LHFPL4: variants seen among roughly 807,000 people sequenced by gnomAD.
LHFPL4 encodes the protein LHFPL tetraspan subfamily member 4 protein.
A neutral mutation model predicts 20.0 loss-of-function variants in LHFPL4; 6 were observed. That is an observed-to-expected ratio of 0.30 (90% confidence interval 0.16 to 0.59). LHFPL4 has a LOEUF of 0.59. Ranked by LOEUF, LHFPL4 falls within the 20% of genes least tolerant of loss-of-function variation. The pLI, the probability that LHFPL4 is intolerant of heterozygous loss-of-function variation, is 0.88. For synonymous variants in LHFPL4, 129 were observed against 143.8 expected (o/e 0.90, Z 0.74); for missense variants, 215 against 331.2 (o/e 0.65, Z 2.72).
At chr3:9,532,633 C>A (rs965878853) in intron 2 of LHFPL4, among the ~76,000 whole-genome samples, 2 of 152,214 alleles carry the variant, frequency 1.3e-5, no homozygotes, top group Non-Finnish European at 2.9e-5. Flanking sequence ...CCGCGCCTGG[C>A]CTATGCTTAT....
At chr3:9,507,169 C>T (rs2125655577) in intron 2 of LHFPL4, among the ~76,000 whole-genome samples, 1 of 152,326 alleles carries the variant, frequency 6.6e-6, no homozygotes, top group African/African-American at 2.4e-5. Context: ...GTGCAAAACA[C>T]TTAGCACGGT....
At chr3:9,544,625 AAAAC>A (rs560511934) in intron 2 of LHFPL4, among the ~76,000 whole-genome samples, 78 of 152,248 alleles carry the variant, frequency 5.1e-4, no homozygotes, top group Non-Finnish European at 1.0e-3. Flanking sequence ...ACTCTATCTC[AAAAC>A]AAACAAACAA....
At chr3:9,542,637 T>A (rs2125666628) in intron 2 of LHFPL4, among the ~76,000 whole-genome samples, 1 of 151,768 alleles carries the variant, frequency 6.6e-6, no homozygotes, top group Non-Finnish European at 1.5e-5. Flanking sequence ...AGAGACCTCG[T>A]TTCTACCAAA....
At chr3:9,547,787 C>CTTTGTTTTGT (rs368545231) in intron 2 of LHFPL4, among the ~76,000 whole-genome samples, 34,863 of 146,562 alleles carry the variant, frequency 0.24, 4,287 homozygotes, top group Middle Eastern at 0.33. Flanking sequence ...GATTTTTGTT[C>CTTTGTTTTGT]TTTGTTTTGT....
At chr3:9,519,134 T>C (rs182473013) in intron 2 of LHFPL4, among the ~76,000 whole-genome samples, 112 of 139,962 alleles carry the variant, frequency 8.0e-4, no homozygotes, top group African/African-American at 2.6e-3. Context: ...AGATGGGGCT[T>C]CTCCATGTTG....
Position 9,531,092 on chromosome 3 carries a change from T to C in LHFPL4, c.406+21182A>G, listed in dbSNP as rs1054792495. 2.2e-4 allele frequency among the ~76,000 whole-genome samples: 34 copies of C among 152,188 alleles called. 1 individual carries two copies. Among genetic ancestry groups the C allele is most frequent in the African/African-American group, 8.0e-4 (33 of 41,464 alleles). On this transcript the variant is annotated intron_variant, in intron 2 of 3. Transcript: ENST00000287585. The stretch of plus-strand genomic sequence containing the variant: ...AGCAATCAAAATACGCACATTTATT[T>C]ATGAAGCTTGCTGTCTTACATGGGC...
At chr3:9,508,596 C>G (rs775366024) in intron 2 of LHFPL4, among the ~76,000 whole-genome samples, 48 of 152,194 alleles carry the variant, frequency 3.2e-4, no homozygotes, top group Non-Finnish European at 5.3e-4. Flanking sequence ...ATGGTGGAAA[C>G]TGAAGAGAAG....
chr3:9,514,464 G>T (rs1363715069), intron 2 of LHFPL4, among the ~76,000 whole-genome samples: 1 of 152,106 alleles, frequency 6.6e-6, no homozygotes, highest in Non-Finnish European at 1.5e-5. Context: ...TCCCCCACCA[G>T]GGTGGCATAT....
intron 2 of LHFPL4, among the ~76,000 whole-genome samples, chr3:9,516,508 C>A (rs564770322): frequency 2.8e-4 from 42 of 151,834 alleles, no homozygotes; most frequent in African/African-American, 9.7e-4. Flanking sequence ...GAGTCTCACT[C>A]TGTTGCCCAG....
At chr3:9,541,392 A>G (rs981919138) in intron 2 of LHFPL4, among the ~76,000 whole-genome samples, 3 of 152,244 alleles carry the variant, frequency 2.0e-5, no homozygotes, top group Admixed American at 1.3e-4. Flanking sequence ...GAAAAAGAAC[A>G]ACCTTGGTGC....
At chr3:9,502,513 T>G (rs958306872) in intron 3 of LHFPL4, among the ~76,000 whole-genome samples, 4 of 151,804 alleles carry the variant, frequency 2.6e-5, no homozygotes, top group Non-Finnish European at 4.4e-5. Flanking sequence ...ACCAGCCTGA[T>G]CAACATGGCA....
intron 2 of LHFPL4, among the ~76,000 whole-genome samples, chr3:9,549,030 G>A (rs1260470497): frequency 6.6e-6 from 1 of 152,136 alleles, no homozygotes; most frequent in Non-Finnish European, 1.5e-5. Context: ...TGAACATCTG[G>A]ATCTGTCCAT....
At chr3:9,517,288 C>A (rs1434303406) in intron 2 of LHFPL4, among the ~76,000 whole-genome samples, 1 of 152,200 alleles carries the variant, frequency 6.6e-6, no homozygotes, top group East Asian at 1.9e-4. Context: ...ATCTAAAGAT[C>A]ATGTTGGCAA....
chr3:9,510,882 G>A (rs1439306203), intron 2 of LHFPL4, among the ~76,000 whole-genome samples: 1 of 151,714 alleles, frequency 6.6e-6, no homozygotes, highest in Admixed American at 6.6e-5. Context: ...AGGTTGCAGT[G>A]AGCCAAGATT....
In LHFPL4 at chr3:9,499,913, C is replaced by T. The variant is rs1411491973; in HGVS notation, c.*2298G>A. On this transcript the variant is annotated 3_prime_UTR_variant, in exon 4 of 4. Coordinates refer to ENST00000287585, the MANE Select transcript of LHFPL4 (RefSeq NM_198560.3). ...CCATTCTTGCCCCCAACCCACATCT[C>T]CATTTACCTCTTCCCCGCTCCCGAG... 6.6e-6 allele frequency: 1 copy of T among 152,406 alleles called. No individual in the cohort carries two copies. The highest frequency in any genetic ancestry group is 1.5e-5 in the Non-Finnish European group (1 of 68,372). 9.4% of individuals were successfully genotyped at this position (152,406 alleles called of 1,614,324 possible). A position where few individuals can be genotyped will look rare whatever the true frequency, so the allele number is the denominator to read the frequency against.
At chr3:9,544,167 G>T (rs538045875) in intron 2 of LHFPL4, among the ~76,000 whole-genome samples, 5 of 152,166 alleles carry the variant, frequency 3.3e-5, no homozygotes, top group East Asian at 3.9e-4. Flanking sequence ...AGAAACAGGT[G>T]GGGGAGAGGA....
At position 9,506,517 on chromosome 3, in the gene LHFPL4, C is replaced by T. The variant is rs1003863356; in HGVS notation, c.407-314G>A. ...AGCCACCCACAGCCACCTCCTTCAA[C>T]TTCCTCTAGCATCGGGACCAACTCC... On this transcript the variant is annotated intron_variant, in intron 2 of 3. Transcript: ENST00000287585. The surrounding 1 kb of genome is among the most constrained non-coding windows in gnomAD (Gnocchi z 4.5). 5.3e-5 allele frequency among the ~76,000 whole-genome samples: 8 copies of T among 152,338 alleles called. No individual in the cohort carries two copies. Among genetic ancestry groups the T allele is most frequent in the African/African-American group, 1.9e-4 (8 of 41,578 alleles).
chr3:9,523,219 TA>T (rs2046351518), intron 2 of LHFPL4, among the ~76,000 whole-genome samples: 1 of 144,202 alleles, frequency 6.9e-6, no homozygotes, highest in African/African-American at 2.6e-5. Flanking sequence ...GAGTCTCTAC[TA>T]AAAATACAAA....
chr3:9,543,734 T>TTG (rs1278076281), intron 2 of LHFPL4, among the ~76,000 whole-genome samples: 1 of 145,848 alleles, frequency 6.9e-6, no homozygotes, highest in Non-Finnish European at 1.5e-5. Flanking sequence ...TTTTGGTTTT[T>TTG]TTTTTTTTTT....
Sources: allele counts gnomAD v4.1 joint callset (sites outside exome capture counted in the v4.1 genomes callset), GRCh38; gene constraint gnomAD v4.1.1; non-coding constraint Gnocchi (gnomAD v3.1); transcripts MANE v1.5; gene names NCBI Gene and HGNC (gene_info 2026-07-23, HGNC 2026-07-21).